MBD2: variants seen among roughly 807,000 people sequenced by gnomAD.
The protein encoded by MBD2 is methyl-CpG binding domain protein 2.
Under a neutral mutation model 39.3 loss-of-function variants are expected in MBD2, and 9 were observed. That is an observed-to-expected ratio of 0.23 (90% CI 0.14 to 0.40). MBD2 has a LOEUF of 0.40. MBD2 is among the 10% of genes least tolerant of loss of function. MBD2 has a pLI of 1.00. For missense variants in MBD2, 458 were observed against 532.6 expected (o/e 0.86, Z 1.38); for synonymous variants, 233 against 211.1 (o/e 1.10, Z -0.90).
intron 2 of MBD2, among the ~76,000 whole-genome samples, chr18:54,190,526 T>G (rs2086313363): frequency 6.6e-6 from 1 of 152,190 alleles, no homozygotes; most frequent in African/African-American, 2.4e-5. Context: ...CTGGAATCAG[T>G]GGGTGAATAA....
At chr18:54,183,422 T>C (rs1005108639) in intron 3 of MBD2, among the ~76,000 whole-genome samples, 2 of 151,250 alleles carry the variant, frequency 1.3e-5, no homozygotes, top group Non-Finnish European at 2.9e-5. Context: ...AAAAGACAGA[T>C]AGAGAAAGAA....
Position 54,224,029 on chromosome 18 carries a change from G to A in MBD2, c.531C>T (p.Val177=), listed in dbSNP as rs774785641. The A allele has an allele frequency of 2.6e-6, 4 of 1,559,030 alleles. No individual in the cohort carries two copies. Among genetic ancestry groups the A allele is most frequent in the Admixed American group, 3.4e-5 (2 of 58,500 alleles). ...CCCCAGGGAGGTACCTGAAGTAGTA[G>A]ACATCGCTCTTGCCAGCACTTAGCC... ...KSGLSAGKSD[V]YYFSPSGKKF... is the part of the protein sequence containing the mutation. Residue 177 remains valine, a synonymous_variant, in exon 1 of 7, where the codon GTC becomes GTT. Coordinates refer to ENST00000256429, the MANE Select transcript of MBD2 (RefSeq NM_003927.5).
rs1568083477 is a variant in MBD2 at position 54,180,896 on chromosome 18, TC to T, written c.840+7977del. ...ACAGCCTATGTATTCCTTAATTTTT[TC>T]TTTTTCTTTTTTTTTTTTTTTTTTT... On this transcript the variant is annotated intron_variant, in intron 3 of 6. Transcript: ENST00000256429. Among the ~76,000 whole-genome samples, 30 of 109,960 alleles carry T rather than the reference TC, an allele frequency of 2.7e-4. 1 individual carries two copies. Among genetic ancestry groups the T allele is most frequent in the African/African-American group, 1.0e-3 (27 of 26,386 alleles). The allele number at this position is 109,960 out of a possible 152,430, so 72.1% of individuals were successfully genotyped here.
At chr18:54,199,111 C>A (rs2086387467) in intron 2 of MBD2, among the ~76,000 whole-genome samples, 1 of 152,068 alleles carries the variant, frequency 6.6e-6, no homozygotes, top group Admixed American at 6.6e-5. Flanking sequence ...TCATTATGGG[C>A]CCAAATTACT....
intron 2 of MBD2, among the ~76,000 whole-genome samples, chr18:54,191,484 G>C (rs1403921687): frequency 6.6e-6 from 1 of 152,150 alleles, no homozygotes; most frequent in East Asian, 1.9e-4. Context: ...AAAACTGAAA[G>C]ATCTAGAAAT....
At chr18:54,168,306 T>TTA (rs1006461986) in intron 3 of MBD2, among the ~76,000 whole-genome samples, 1 of 151,270 alleles carries the variant, frequency 6.6e-6, no homozygotes, top group African/African-American at 2.4e-5. Flanking sequence ...TACAAAAAAT[T>TTA]TATAAAGAAA....
chr18:54,211,033 G>C (rs1161996916), intron 1 of MBD2, among the ~76,000 whole-genome samples: 1 of 150,684 alleles, frequency 6.6e-6, no homozygotes, highest in Non-Finnish European at 1.5e-5. Context: ...CACTACGCCC[G>C]GCTAATTTTT....
At position 54,224,285 on chromosome 18, in the gene MBD2, C is replaced by T. The variant is rs1027914292; in HGVS notation, c.275G>A (p.Arg92Gln). ...RGRGRGRGRGRGRGRPPSGGS... is the reference protein window; with the variant it reads ...RGRGRGRGRGQGRGRPPSGGS... ...GCCACTCGGGGGACGGCCGCGGCCCCGGCCCCGGCCCCGTCCCCGTCCCCG... is the reference window on the plus strand; with the variant it reads ...GCCACTCGGGGGACGGCCGCGGCCCTGGCCCCGGCCCCGTCCCCGTCCCCG... Residue 92 changes from arginine to glutamine, a missense_variant, in exon 1 of 7, where the codon CGG becomes CAG. By Grantham distance (43) the Arg-to-Gln change is conservative. Around this residue, in one of 2 missense-constraint regions of MBD2, gnomAD observed 269 missense variants for 236.0 expected, o/e 1.14. Coordinates refer to ENST00000256429, the MANE Select transcript of MBD2 (RefSeq NM_003927.5). The T allele has an allele frequency of 2.1e-6, 2 of 937,722 alleles. No individual in the cohort carries two copies. The highest frequency in any genetic ancestry group is 2.5e-6 in the Non-Finnish European group (2 of 788,896). 58.1% of individuals were successfully genotyped at this position (937,722 alleles called of 1,614,324 possible). A position where few individuals can be genotyped will look rare whatever the true frequency, so the allele number is the denominator to read the frequency against.
Position 54,224,218 on chromosome 18 carries a change from G to T in MBD2, c.342C>A (p.Gly114=). 1 of 1,107,202 alleles carries T rather than the reference G, an allele frequency of 9.0e-7. No homozygotes were observed. The highest frequency in any genetic ancestry group is 1.1e-6 in the Non-Finnish European group (1 of 908,524). 68.6% of individuals were successfully genotyped at this position (1,107,202 alleles called of 1,614,324 possible). The change falls in exon 1 of 7, where the codon GGC becomes GGA. Residue 114 remains glycine (G), a synonymous_variant. Transcript: ENST00000256429. ...GGGGGGCGCCGCCGCCACCGCTGCC[G>T]CCGCCGCCGCAGCCGCCGCCGTCGC... ...LGGDGGGCGG[G]GSGGGGAPRR...
At chr18:54,158,122 T>A (rs1675517917) in intron 6 of MBD2, among the ~76,000 whole-genome samples, 2 of 152,118 alleles carry the variant, frequency 1.3e-5, no homozygotes, top group South Asian at 4.2e-4. Context: ...TCATGATCAA[T>A]CTCAAGTGGT....
At chr18:54,157,146 C>T (rs767889271) in intron 6 of MBD2, among the ~76,000 whole-genome samples, 9 of 152,136 alleles carry the variant, frequency 5.9e-5, no homozygotes, top group Non-Finnish European at 8.8e-5. Flanking sequence ...CTCATCAAAG[C>T]CCATAAATAC....
Position 54,159,775 on chromosome 18 carries a change from T to G in MBD2, c.*2A>C. ...CTGGTGTCAGTTTACCTGATCATAT[T>G]CTTAGGCTTCATCTCCACTGTCCAT... On this transcript the variant is annotated 3_prime_UTR_variant, in exon 6 of 7. Coordinates refer to ENST00000256429, the MANE Select transcript of MBD2 (RefSeq NM_003927.5). The G allele has an allele frequency of 6.2e-7, 1 of 1,609,162 alleles. No individual in the cohort carries two copies. The highest frequency in any genetic ancestry group is 8.5e-7 in the Non-Finnish European group (1 of 1,179,956).
At chr18:54,160,062 A>T in intron 5 of MBD2, 159 bp from the exon 6 acceptor site, 1 of 704,516 alleles carries the variant, frequency 1.4e-6, no homozygotes, top group Non-Finnish European at 2.3e-6. Flanking sequence ...ACACAAATCA[A>T]ACCTCACCAA....
chr18:54,164,542 C>T lies in MBD2; in HGVS notation c.1090G>A (p.Val364Ile). The T allele has an allele frequency of 6.2e-7, 1 of 1,613,192 alleles. No homozygotes were observed. The highest frequency in any genetic ancestry group is 8.5e-7 in the Non-Finnish European group (1 of 1,179,218). The stretch of plus-strand genomic sequence containing the variant: ...CATTACCTGATGTCTTCATCTGTGA[C>T]AATAAAAGCTTTGCAGAGGGGTTGA... ...TSQPLCKAFIVTDEDIRKQEE... is the reference protein window; with the variant it reads ...TSQPLCKAFIITDEDIRKQEE... The change falls in exon 5 of 7, where the codon GTC becomes ATC. Residue 364 changes from valine (V) to isoleucine (I), a missense_variant. Val to Ile is a conservative substitution (Grantham distance 29). Transcript: ENST00000256429.
rs1223405654 is a variant in MBD2 at position 54,224,198 on chromosome 18, GCGCCGCCGCCACCGCTGC to G, written c.344_361del (p.Gly115_Gly120del). The G allele has an allele frequency of 5.0e-6, 6 of 1,206,184 alleles. No homozygotes were observed. Among genetic ancestry groups the G allele is most frequent in the Admixed American group, 4.5e-5 (1 of 22,404 alleles). The allele number at this position is 1,206,184 out of a possible 1,614,324, so 74.7% of individuals were successfully genotyped here. On this transcript the variant is annotated inframe_deletion, in exon 1 of 7. Transcript: ENST00000256429. ...GAAAGGGACCGGCTCCCGCCGGGGG[GCGCCGCCGCCACCGCTGC>G]CGCCGCCGCCGCAGCCGCCGCCGTC... is the stretch of plus-strand genomic sequence containing the variant.
intron 2 of MBD2, among the ~76,000 whole-genome samples, chr18:54,200,834 C>G (rs1030000055): frequency 6.6e-6 from 1 of 152,116 alleles, no homozygotes; most frequent in African/African-American, 2.4e-5. Flanking sequence ...AATCCCAGCA[C>G]TTTGGGAGGC....
Position 54,221,319 on chromosome 18 carries a change from G to A in MBD2, c.542+2699C>T, listed in dbSNP as rs143638020. On this transcript the variant is annotated intron_variant, in intron 1 of 6. Transcript: ENST00000256429. ...AAAAGATACAAAAAATTAGCTGGGC[G>A]TGGTGGTGGGCACCTGTAGTCCCAG... is the stretch of plus-strand genomic sequence containing the variant. 1.9e-4 allele frequency among the ~76,000 whole-genome samples: 29 copies of A among 151,974 alleles called. No homozygotes were observed. The East Asian group carries it at 5.2e-3, about 27-fold the overall frequency.
chr18:54,202,878 CA>C, intron 2 of MBD2: 1 of 1,257,538 alleles, frequency 8.0e-7, no homozygotes, highest in Non-Finnish European at 1.2e-6. Context: ...AATACAATGG[CA>C]AAGCACCAGG....
intron 2 of MBD2, among the ~76,000 whole-genome samples, chr18:54,192,548 A>G (rs2086328400): frequency 6.6e-6 from 1 of 152,164 alleles, no homozygotes; most frequent in African/African-American, 2.4e-5. Context: ...TTAATAAAGA[A>G]TGATATACTC....
Sources: gnomAD v4.1 joint callset for allele counts (sites outside exome capture counted in the v4.1 genomes callset) on GRCh38, gnomAD v4.1.1 for gene constraint, gnomAD v4.1.1 regional missense constraint, MANE v1.5 for transcripts, NCBI Gene and HGNC (gene_info 2026-07-23, HGNC 2026-07-21) for gene names.